The following RAB11FIP5 variants were observed in gnomAD, a reference collection of about 807,000 sequenced individuals.
RAB11FIP5 encodes the protein rab11 family-interacting protein 5.
RAB11FIP5 carries 48 observed loss-of-function variants against 85.1 expected under a neutral mutation model. That is an observed-to-expected ratio of 0.56 (90% CI 0.45 to 0.72). The LOEUF (loss-of-function observed/expected upper bound fraction) is 0.72. Ranked by LOEUF, RAB11FIP5 falls within the 30% of genes least tolerant of loss-of-function variation. The probability of loss-of-function intolerance (pLI) is 0.00; values close to 1 mark genes in which losing one functional copy is unlikely to be tolerated. For synonymous variants in RAB11FIP5, 729 were observed against 727.3 expected (o/e 1.00, Z -0.04); for missense variants, 1,491 against 1,687.0 (o/e 0.88, Z 2.04).
intron 3 of RAB11FIP5, among the ~76,000 whole-genome samples, chr2:73,082,256 A>G (rs903130614): frequency 6.6e-6 from 1 of 152,058 alleles, no homozygotes; most frequent in East Asian, 1.9e-4. Context: ...TGATCTGCCC[A>G]CCTGGCCTCC....
chr2:73,094,099 C>A (rs545062096), intron 1 of RAB11FIP5, among the ~76,000 whole-genome samples: 2 of 129,636 alleles, frequency 1.5e-5, no homozygotes, highest in South Asian at 4.9e-4. Context: ...CCAGCCTGGG[C>A]AACAGAGTGA....
At chr2:73,102,585 C>A (rs893046308) in intron 1 of RAB11FIP5, among the ~76,000 whole-genome samples, 2 of 152,136 alleles carry the variant, frequency 1.3e-5, no homozygotes, top group African/African-American at 4.8e-5. Context: ...TCGCCCCCTG[C>A]GGCAGCACTA....
chr2:73,087,948 C>T (rs1337169221), intron 3 of RAB11FIP5, 102 bp downstream of exon 3: 8 of 1,178,964 alleles, frequency 6.8e-6, no homozygotes, highest in African/African-American at 4.6e-5. Flanking sequence ...CAGCAGCCTG[C>T]CTGAGGTCCA....
Position 73,075,328 on chromosome 2 carries a change from C to T in RAB11FIP5, c.*193G>A. ...GGCTCCCAAAGACACACAAGTTGTG[C>T]ACAGAACCTGATGCCTCCAAAGGGA... On this transcript the variant is annotated 3_prime_UTR_variant, in exon 6 of 6. Transcript: ENST00000486777. This position sits in a 1 kb window ranked among gnomAD's most constrained non-coding sequence, Gnocchi z 4.6. 1 of 714,420 alleles carries T rather than the reference C, an allele frequency of 1.4e-6. No homozygotes were observed. The highest frequency in any genetic ancestry group is 2.5e-6 in the Non-Finnish European group (1 of 395,206). 44.3% of individuals were successfully genotyped at this position (714,420 alleles called of 1,614,324 possible). A position where few individuals can be genotyped will look rare whatever the true frequency, so the allele number is the denominator to read the frequency against.
At chr2:73,095,219 T>A (rs1157329552) in intron 1 of RAB11FIP5, among the ~76,000 whole-genome samples, 2 of 152,198 alleles carry the variant, frequency 1.3e-5, no homozygotes, top group Non-Finnish European at 2.9e-5. Context: ...ATGGTGATTA[T>A]CTGGGACTTG....
rs77297470 is a variant in RAB11FIP5 at position 73,078,762 on chromosome 2, C to T, written c.3581+889G>A. Among the ~76,000 whole-genome samples, 523 of 152,304 alleles carry T rather than the reference C, an allele frequency of 3.4e-3. 5 individuals carry two copies. Among genetic ancestry groups the T allele is most frequent in the African/African-American group, 0.012 (499 of 41,560 alleles). On this transcript the variant is annotated intron_variant, in intron 4 of 5. Coordinates refer to ENST00000486777, the MANE Select transcript of RAB11FIP5 (RefSeq NM_001371272.1). This position sits in a 1 kb window ranked among gnomAD's most constrained non-coding sequence, Gnocchi z 4.4. ...CCTGCCCTGCTCTCCCCTCCCTTCA[C>T]TCGGTCCTCCTAGAGCGCTATCGTC...
chr2:73,075,587 C>T lies in RAB11FIP5; in HGVS notation c.3909G>A (p.Arg1303=), dbSNP rs200288307. 5.0e-4 allele frequency: 802 copies of T among 1,614,058 alleles called. 1 individual carries two copies. The highest frequency in any genetic ancestry group is 3.1e-3 in the Middle Eastern group (19 of 6,084). The change falls in exon 6 of 6, where the codon CGG becomes CGA. Residue 1303 remains arginine (R), a synonymous_variant. Transcript: ENST00000486777. This position sits in a 1 kb window ranked among gnomAD's most constrained non-coding sequence, Gnocchi z 4.6. ...HVQELESYID[R]LLVRIMETSP... ...AGGTCTCCATGATCCGCACCAGCAG[C>T]CGGTCGATGTAGCTCTCCAGCTCCT...
intron 3 of RAB11FIP5, among the ~76,000 whole-genome samples, chr2:73,083,471 T>G (rs1489872416): frequency 1.3e-5 from 2 of 151,870 alleles, no homozygotes. Context: ...TTACAATAAC[T>G]CCCCATCCAA....
intron 3 of RAB11FIP5, among the ~76,000 whole-genome samples, chr2:73,084,627 C>G (rs1684059425): frequency 6.6e-6 from 1 of 152,226 alleles, no homozygotes; most frequent in South Asian, 2.1e-4. Context: ...ACAGGAACCA[C>G]CTGTTCACCC....
intron 3 of RAB11FIP5, among the ~76,000 whole-genome samples, chr2:73,087,651 G>A (rs936384216): frequency 5.9e-5 from 9 of 152,254 alleles, no homozygotes; most frequent in East Asian, 1.9e-4. Flanking sequence ...CTGAGAGTGC[G>A]GTCTCCAGTC....
rs1683824815 is a variant in RAB11FIP5, at chr2:73,075,032, CACAG to C, written c.*485_*488del. The C allele has an allele frequency of 1.1e-4, 40 of 358,496 alleles. No individual in the cohort carries two copies. Among genetic ancestry groups the C allele is most frequent in the South Asian group, 7.9e-4 (37 of 46,838 alleles). 22.2% of individuals were successfully genotyped at this position (358,496 alleles called of 1,614,324 possible). On this transcript the variant is annotated 3_prime_UTR_variant, in exon 6 of 6. Coordinates refer to ENST00000486777, the MANE Select transcript of RAB11FIP5 (RefSeq NM_001371272.1). The surrounding 1 kb of genome is among the most constrained non-coding windows in gnomAD (Gnocchi z 4.6). ...CTGAAGAGGCTGGTTGCCCGTAACT[CACAG>C]ACAAACAGGCAGCGTGGTCATTGTC...
At chr2:73,082,065 A>G (rs1440197687) in intron 3 of RAB11FIP5, among the ~76,000 whole-genome samples, 2 of 134,908 alleles carry the variant, frequency 1.5e-5, no homozygotes, top group African/African-American at 5.9e-5. Flanking sequence ...TTTTTGAGAT[A>G]GAGTCTCTTG....
rs1383773718 is a variant in RAB11FIP5 at position 73,112,932 on chromosome 2, C to T, written c.-155G>A. 3.7e-6 allele frequency: 2 copies of T among 542,970 alleles called. No homozygotes were observed. The highest frequency in any genetic ancestry group is 2.0e-5 in the African/African-American group (1 of 49,746). 33.6% of individuals were successfully genotyped at this position (542,970 alleles called of 1,614,324 possible). On this transcript the variant is annotated 5_prime_UTR_variant, in exon 1 of 6. Coordinates refer to ENST00000486777, the MANE Select transcript of RAB11FIP5 (RefSeq NM_001371272.1). ...CCGGGCCGACCGGCCGCCGCCTCCC[C>T]GCCTCACCGGGCCGCTGGCCGCGGG...
chr2:73,109,340 GC>G (rs1375683568), intron 1 of RAB11FIP5, among the ~76,000 whole-genome samples: 1 of 152,142 alleles, frequency 6.6e-6, no homozygotes, highest in African/African-American at 2.4e-5. Flanking sequence ...ACAAAATGGG[GC>G]CCCAGAGTCA....
At chr2:73,105,455 T>C (rs564327748) in intron 1 of RAB11FIP5, among the ~76,000 whole-genome samples, 26 of 151,832 alleles carry the variant, frequency 1.7e-4, no homozygotes, top group Non-Finnish European at 3.8e-4. Context: ...GTTGCCTAGG[T>C]TGCTCTTGAA....
chr2:73,079,873 C>A lies in RAB11FIP5; in HGVS notation c.3359G>T (p.Gly1120Val), dbSNP rs117100853. 943 of 1,232,422 alleles carry A rather than the reference C, an allele frequency of 7.7e-4. 18 individuals are homozygous for A. In the East Asian group the frequency reaches 0.027, roughly 36 times the overall value. 76.3% of individuals were successfully genotyped at this position (1,232,422 alleles called of 1,614,324 possible). A position where few individuals can be genotyped will look rare whatever the true frequency, so the allele number is the denominator to read the frequency against. Residue 1120 changes from glycine (G) to valine (V), a missense_variant, in exon 4 of 6, where the codon GGG becomes GTG. This residue lies in a region of RAB11FIP5 where 232 missense variants were observed against 259.1 expected (regional missense o/e 0.90). Transcript: ENST00000486777. ...CAGGGGAGAGCATGGAGGGCTGGGC[C>A]CCCCACGGTGGTGGCTGGCCCAAGG... ...LPPWASHHRGGPSPPCSPLSE... is the reference protein window; with the variant it reads ...LPPWASHHRGVPSPPCSPLSE...
Position 73,107,076 on chromosome 2 carries a change from G to T in RAB11FIP5, c.431+5271C>A, listed in dbSNP as rs374034082. On this transcript the variant is annotated intron_variant, in intron 1 of 5. Transcript: ENST00000486777. ...TGTTCCCAAGGTAGAAATAACCTCA[G>T]GCCAGCTCAGTAAGGGCACTGTGAT... is the stretch of plus-strand genomic sequence containing the variant. 9.8e-5 allele frequency among the ~76,000 whole-genome samples: 15 copies of T among 152,296 alleles called. No individual in the cohort carries two copies. The South Asian group carries it at 3.1e-3, about 32-fold the overall frequency.
In RAB11FIP5 at chr2:73,081,729, C is replaced by G; in HGVS notation, c.1569-66G>C. 8.3e-7 allele frequency: 1 copy of G among 1,204,686 alleles called. No homozygotes were observed. Among genetic ancestry groups the G allele is most frequent in the Non-Finnish European group, 1.0e-6 (1 of 963,116 alleles). The allele number at this position is 1,204,686 out of a possible 1,614,324, so 74.6% of individuals were successfully genotyped here. A position where few individuals can be genotyped will look rare whatever the true frequency, so the allele number is the denominator to read the frequency against. On this transcript the variant is annotated intron_variant, in intron 3 of 5. Coordinates refer to ENST00000486777, the MANE Select transcript of RAB11FIP5 (RefSeq NM_001371272.1). This position sits in a 1 kb window ranked among gnomAD's most constrained non-coding sequence, Gnocchi z 4.2. ...CAAGACTGGAAAGGCCCCTGAGTCCCACGCCCCACCCCCTGCTTCGGGACC... is the reference window on the plus strand; with the variant it reads ...CAAGACTGGAAAGGCCCCTGAGTCCGACGCCCCACCCCCTGCTTCGGGACC...
Position 73,081,750 on chromosome 2 carries a change from G to A in RAB11FIP5, c.1569-87C>T, listed in dbSNP as rs1683989568. 1.7e-6 allele frequency: 2 copies of A among 1,156,836 alleles called. No homozygotes were observed. Among genetic ancestry groups the A allele is most frequent in the African/African-American group, 3.2e-5 (2 of 62,804 alleles). The allele number at this position is 1,156,836 out of a possible 1,614,324, so 71.7% of individuals were successfully genotyped here. A position where few individuals can be genotyped will look rare whatever the true frequency, so the allele number is the denominator to read the frequency against. ...GTCCCACGCCCCACCCCCTGCTTCG[G>A]GACCAGGGGCCATAACACACACATA... is the stretch of plus-strand genomic sequence containing the variant. On this transcript the variant is annotated intron_variant, in intron 3 of 5. Transcript: ENST00000486777. This position sits in a 1 kb window ranked among gnomAD's most constrained non-coding sequence, Gnocchi z 4.2.
Sources: gnomAD v4.1 joint callset for allele counts (sites outside exome capture counted in the v4.1 genomes callset) on GRCh38, gnomAD v4.1.1 for gene constraint, gnomAD v4.1.1 regional missense constraint, Gnocchi (gnomAD v3.1) non-coding constraint, MANE v1.5 for transcripts, NCBI Gene and HGNC (gene_info 2026-07-23, HGNC 2026-07-21) for gene names.